COL5A1: variants seen among roughly 807,000 people sequenced by gnomAD.
The protein encoded by COL5A1 is collagen alpha-1(V) chain.
A neutral mutation model predicts 263.7 loss-of-function variants in COL5A1; 16 were observed. The ratio of observed to expected loss-of-function variants is 0.06; its 90% confidence interval spans 0.04 to 0.09. COL5A1 has a LOEUF of 0.09. Ranked by LOEUF, COL5A1 falls within the 10% of genes least tolerant of loss-of-function variation. The pLI, the probability that COL5A1 is intolerant of heterozygous loss-of-function variation, is 1.00. For synonymous variants in COL5A1, 1,012 were observed against 1,004.5 expected, an observed-to-expected ratio of 1.01 and a Z score of -0.14; for missense variants, 2,036 against 2,540.5, an observed-to-expected ratio of 0.80 and a Z score of 4.27.
intron 1 of COL5A1, among the ~76,000 whole-genome samples, chr9:134,669,673 A>G (rs1367784255): frequency 2.6e-5 from 4 of 152,148 alleles, no homozygotes; most frequent in Non-Finnish European, 5.9e-5. Flanking sequence ...CAGAATCATC[A>G]TGAGGTGCTG....
intron 36 of COL5A1, among the ~76,000 whole-genome samples, chr9:134,797,367 C>T (rs1837950027): frequency 1.3e-5 from 2 of 152,184 alleles, no homozygotes; most frequent in African/African-American, 2.4e-5. Context: ...AGGCCTCTCC[C>T]GGGGGCTGGT....
intron 63 of COL5A1, among the ~76,000 whole-genome samples, chr9:134,827,415 C>G (rs1316891861): frequency 6.6e-6 from 1 of 152,222 alleles, no homozygotes; most frequent in East Asian, 1.9e-4. Context: ...AGTGACAAAC[C>G]CTGTTCAGAG....
rs1036221388 is a variant in COL5A1, at chr9:134,741,383, T to C, written c.1494+2575T>C. On this transcript the variant is annotated intron_variant, in intron 11 of 65. Transcript: ENST00000371817. This position sits in a 1 kb window ranked among gnomAD's most constrained non-coding sequence, Gnocchi z 4.5. ...TGGGTTCGGGAGCATATATACCATT[T>C]TAACAAGCAGCAATAGGATGTGGAG... Among the ~76,000 whole-genome samples the C allele has an allele frequency of 2.0e-5, 3 of 152,198 alleles. No homozygotes were observed. Among genetic ancestry groups the C allele is most frequent in the African/African-American group, 4.8e-5 (2 of 41,448 alleles).
In COL5A1 at chr9:134,682,413, G is replaced by A. The variant is rs1322128733; in HGVS notation, c.110-8499G>A. Among the ~76,000 whole-genome samples, 2 of 152,198 alleles carry A rather than the reference G, an allele frequency of 1.3e-5. No homozygotes were observed. Among genetic ancestry groups the A allele is most frequent in the Admixed American group, 6.5e-5 (1 of 15,284 alleles). On this transcript the variant is annotated intron_variant, in intron 1 of 65. Coordinates refer to ENST00000371817, the MANE Select transcript of COL5A1 (RefSeq NM_000093.5). The surrounding 1 kb of genome is among the most constrained non-coding windows in gnomAD (Gnocchi z 5.1). ...CGGGTGAACATGGGGCAGAGAGATCGGGCTGGGCCAGCACACTTCCCCAGA... is the reference window on the plus strand; with the variant it reads ...CGGGTGAACATGGGGCAGAGAGATCAGGCTGGGCCAGCACACTTCCCCAGA...
At position 134,841,952 on chromosome 9, in the gene COL5A1, G is replaced by A. The variant is rs1295029962; in HGVS notation, c.5371-205G>A. Among the ~76,000 whole-genome samples, 1 of 152,108 alleles carries A rather than the reference G, an allele frequency of 6.6e-6. No homozygotes were observed. The highest frequency in any genetic ancestry group is 1.5e-5 in the Non-Finnish European group (1 of 68,022). On this transcript the variant is annotated intron_variant, in intron 65 of 65. Transcript: ENST00000371817. This position sits in a 1 kb window ranked among gnomAD's most constrained non-coding sequence, Gnocchi z 4.8. ...CACCCCACCTCCGACCTGTGCAGGG[G>A]GACTCTTGGGACATCCACCGGGGTT...
intron 37 of COL5A1, among the ~76,000 whole-genome samples, chr9:134,799,674 G>A (rs371927471): frequency 2.6e-5 from 4 of 152,196 alleles, no homozygotes; most frequent in South Asian, 4.1e-4. Context: ...TCATCGTGAT[G>A]AAACCTCTTT....
chr9:134,745,881 G>A (rs1013579667), intron 11 of COL5A1, among the ~76,000 whole-genome samples: 18 of 152,292 alleles, frequency 1.2e-4, no homozygotes, highest in South Asian at 4.2e-4. Context: ...GCCACTGGCC[G>A]TCCTCTGCCC....
At chr9:134,816,921 C>T (rs1255072455) in intron 52 of COL5A1, 105 bp from the exon 53 acceptor site, 1 of 1,041,554 alleles carries the variant, frequency 9.6e-7, no homozygotes, top group East Asian at 2.4e-5. Flanking sequence ...GAGGCGGCCG[C>T]AGGGCTGGCC....
intron 18 of COL5A1, 61 bp from the exon 19 acceptor site, chr9:134,761,864 C>T: frequency 1.3e-6 from 2 of 1,536,144 alleles, no homozygotes; most frequent in Non-Finnish European, 1.8e-6. Flanking sequence ...AAAGTGGGAC[C>T]TTGGACAAGC....
At chr9:134,698,211 A>C (rs1588447215) in intron 2 of COL5A1, among the ~76,000 whole-genome samples, 1 of 152,152 alleles carries the variant, frequency 6.6e-6, no homozygotes, top group Non-Finnish European at 1.5e-5. Context: ...CATCACCCCC[A>C]CCTGGGGCTG....
intron 14 of COL5A1, 57 bp downstream of exon 14, chr9:134,752,702 G>T (rs1482560799): frequency 2.9e-6 from 4 of 1,401,920 alleles, no homozygotes; most frequent in Non-Finnish European, 2.0e-6. Flanking sequence ...CCCACTCCCT[G>T]TGTCGTTGGC....
At chr9:134,767,391 G>C (rs748257280) in intron 24 of COL5A1, 37 bp downstream of exon 24, 1 of 1,601,002 alleles carries the variant, frequency 6.2e-7, no homozygotes, top group East Asian at 2.2e-5. Flanking sequence ...GCCACTGCCC[G>C]CCTGCAGGTG....
chr9:134,834,351 A>C (rs1185883954), intron 64 of COL5A1, among the ~76,000 whole-genome samples: 1 of 152,214 alleles, frequency 6.6e-6, no homozygotes, highest in Non-Finnish European at 1.5e-5. Flanking sequence ...CAAACCTGGC[A>C]GACCCAGATC....
Position 134,642,314 on chromosome 9 carries a change from C to A in COL5A1, c.109+18C>A, listed in dbSNP as rs766664625. The A allele has an allele frequency of 3.3e-5, 27 of 816,664 alleles. No homozygotes were observed. In the South Asian group the frequency reaches 1.3e-3, roughly 40 times the overall value. The allele number at this position is 816,664 out of a possible 1,614,324, so 50.6% of individuals were successfully genotyped here. A position where few individuals can be genotyped will look rare whatever the true frequency, so the allele number is the denominator to read the frequency against. On this transcript the variant is annotated intron_variant, in intron 1 of 65. Coordinates refer to ENST00000371817, the MANE Select transcript of COL5A1 (RefSeq NM_000093.5). This position sits in a 1 kb window ranked among gnomAD's most constrained non-coding sequence, Gnocchi z 4.5. ...CCGCGCAGGTAAGGGCGCCCCGGGG[C>A]GCGGGGCTGCGGGATGGGGCGCGCG...
In COL5A1 at chr9:134,642,184, C is replaced by G. The variant is rs769694875; in HGVS notation, c.-4C>G. The G allele has an allele frequency of 1.0e-4, 127 of 1,264,464 alleles. 2 individuals carry two copies. The East Asian group carries it at 2.6e-3, about 26-fold the overall frequency. The allele number at this position is 1,264,464 out of a possible 1,614,324, so 78.3% of individuals were successfully genotyped here. ...CTGTGCGCCCCGGCCCGCGCCCCGC[C>G]GGCATGGACGTCCATACCCGCTGGA... On this transcript the variant is annotated 5_prime_UTR_variant, in exon 1 of 66. Transcript: ENST00000371817. The surrounding 1 kb of genome is among the most constrained non-coding windows in gnomAD (Gnocchi z 4.5).
At position 134,822,988 on chromosome 9, in the gene COL5A1, C is replaced by T. The variant is rs1459550191; in HGVS notation, c.4609-10C>T. 1.9e-6 allele frequency: 3 copies of T among 1,613,998 alleles called. No individual in the cohort carries two copies. The stretch of plus-strand genomic sequence containing the variant: ...CGGCTTGCTGACGTTCTGCCCTCCT[C>T]TCTCTGCAGGGTCCGCCTGGTCCAA... On this transcript the variant is annotated splice_polypyrimidine_tract_variant and intron_variant, in intron 59 of 65. Transcript: ENST00000371817.
At chr9:134,740,340 A>T (rs1253258719) in intron 11 of COL5A1, among the ~76,000 whole-genome samples, 2 of 152,184 alleles carry the variant, frequency 1.3e-5, no homozygotes, top group Admixed American at 1.3e-4. Context: ...CTCGCTCTGG[A>T]GACCCCTTCC....
At chr9:134,834,237 C>T (rs1028080812) in intron 64 of COL5A1, among the ~76,000 whole-genome samples, 1 of 152,178 alleles carries the variant, frequency 6.6e-6, no homozygotes, top group Non-Finnish European at 1.5e-5. Context: ...CTCCAGGTGC[C>T]CCGACCCAGC....
chr9:134,813,172 C>A (rs1033199506), intron 48 of COL5A1, among the ~76,000 whole-genome samples: 1 of 151,666 alleles, frequency 6.6e-6, no homozygotes, highest in Non-Finnish European at 1.5e-5. Flanking sequence ...GCCCAGACTC[C>A]ATGAGCGTCA....
Sources: gnomAD v4.1 joint callset for allele counts (sites outside exome capture counted in the v4.1 genomes callset) on GRCh38, gnomAD v4.1.1 for gene constraint, Gnocchi (gnomAD v3.1) non-coding constraint, MANE v1.5 for transcripts, NCBI Gene and HGNC (gene_info 2026-07-23, HGNC 2026-07-21) for gene names.